Variants in MON2 observed in about 807,000 individuals in gnomAD.
MON2 encodes the protein protein MON2 homolog.
In MON2, 84 loss-of-function variants were observed where a neutral mutation model predicts 208.6. The ratio of observed to expected loss-of-function variants is 0.40; its 90% CI spans 0.34 to 0.48. The LOEUF (loss-of-function observed/expected upper bound fraction) is 0.48, where lower values mean the gene tolerates loss of function less well. MON2 is among the 20% of genes least tolerant of loss of function. The pLI is 0.59. For synonymous variants in MON2, 660 were observed against 694.0 expected (o/e 0.95, Z 0.77); for missense variants, 1,611 against 2,015.4 (o/e 0.80, Z 3.84).
At chr12:62,477,629 C>CT (rs35130445) in intron 1 of MON2, among the ~76,000 whole-genome samples, 131,938 of 150,428 alleles carry the variant, frequency 0.88, 58,204 homozygotes, top group African/African-American at 0.96. Flanking sequence ...GTTGCCCAGG[C>CT]GGTCACGAGC....
intron 22 of MON2, among the ~76,000 whole-genome samples, chr12:62,547,840 G>A (rs1209308173): frequency 6.6e-6 from 1 of 152,126 alleles, no homozygotes; most frequent in African/African-American, 2.4e-5. Flanking sequence ...TTGTAGCCCA[G>A]GAGCAATAAT....
chr12:62,497,094 G>A (rs905592935), intron 4 of MON2, among the ~76,000 whole-genome samples: 2 of 140,710 alleles, frequency 1.4e-5, no homozygotes, highest in African/African-American at 2.7e-5. Flanking sequence ...ACTCATAGGT[G>A]GGAATTGAAC....
At chr12:62,527,828 A>T (rs2072412573) in intron 11 of MON2, among the ~76,000 whole-genome samples, 2 of 151,510 alleles carry the variant, frequency 1.3e-5, no homozygotes, top group South Asian at 4.2e-4. Context: ...GGGAGTGAAG[A>T]TGTGTACTTG....
chr12:62,494,170 CTT>C, intron 3 of MON2, 128 bp downstream of exon 3: 1 of 851,416 alleles, frequency 1.2e-6, no homozygotes, highest in South Asian at 2.9e-5. Context: ...GAGAAAATGG[CTT>C]TATTTAAAAA....
intron 8 of MON2, among the ~76,000 whole-genome samples, chr12:62,519,216 C>T (rs1160105846): frequency 6.6e-6 from 1 of 152,184 alleles, no homozygotes; most frequent in Admixed American, 6.5e-5. Context: ...TGGGGACGCC[C>T]TGGCTGTCTG....
chr12:62,528,243 G>T (rs2072440988), intron 11 of MON2, among the ~76,000 whole-genome samples: 1 of 152,086 alleles, frequency 6.6e-6, no homozygotes, highest in Admixed American at 6.5e-5. Flanking sequence ...AATATAAAAT[G>T]ATTTCACTAT....
At chr12:62,537,079 TTAAATA>T (rs1227641290) in intron 14 of MON2, 66 bp from the exon 15 acceptor site, 3 of 906,028 alleles carry the variant, frequency 3.3e-6, no homozygotes, top group Non-Finnish European at 4.8e-6. Flanking sequence ...TAATCAAACT[TTAAATA>T]TAACATTACT....
intron 29 of MON2, among the ~76,000 whole-genome samples, 167 bp from the exon 30 acceptor site, chr12:62,571,225 G>A (rs1013706530): frequency 3.9e-5 from 6 of 152,118 alleles, no homozygotes; most frequent in Admixed American, 3.3e-4. Context: ...TGAGGACTAC[G>A]TCTGAGAATT....
chr12:62,579,574 A>T (rs79206159), intron 31 of MON2, among the ~76,000 whole-genome samples: 1 of 151,340 alleles, frequency 6.6e-6, no homozygotes, highest in African/African-American at 2.4e-5. Context: ...AAAAAAAAAA[A>T]AATTAGCTGG....
intron 19 of MON2, among the ~76,000 whole-genome samples, chr12:62,540,093 A>G (rs1480383000): frequency 6.6e-6 from 1 of 152,232 alleles, no homozygotes; most frequent in Non-Finnish European, 1.5e-5. Context: ...ACACAAAACT[A>G]TAATATTTTT....
Position 62,519,295 on chromosome 12 carries a change from C to A in MON2, c.985-5220C>A, listed in dbSNP as rs113565398. Among the ~76,000 whole-genome samples the A allele has an allele frequency of 6.6e-4, 101 of 152,180 alleles. 1 individual carries two copies. The highest frequency in any genetic ancestry group is 3.4e-3 in the Middle Eastern group (1 of 294). On this transcript the variant is annotated intron_variant, in intron 8 of 34. Transcript: ENST00000393630. Reference sequence around the variant, plus strand: ...GTGTCCCTACTAGTCCCTGAAATCGCCTCAGCTGAGTGATACTGGGGGTGG... The same window carrying A: ...GTGTCCCTACTAGTCCCTGAAATCGACTCAGCTGAGTGATACTGGGGGTGG...
chr12:62,501,237 G>A (rs1329016569), intron 6 of MON2, among the ~76,000 whole-genome samples: 1 of 152,100 alleles, frequency 6.6e-6, no homozygotes, highest in South Asian at 2.1e-4. Context: ...CACTTGTCAT[G>A]AATAAATAAT....
intron 1 of MON2, among the ~76,000 whole-genome samples, chr12:62,469,691 A>G (rs1228673412): frequency 6.6e-6 from 1 of 152,198 alleles, no homozygotes; most frequent in Non-Finnish European, 1.5e-5. Context: ...TGTTAAATTA[A>G]TAAGAGTGCC....
intron 24 of MON2, chr12:62,553,399 T>A (rs2073832162): frequency 2.5e-6 from 1 of 405,266 alleles, no homozygotes; most frequent in Non-Finnish European, 4.3e-6. Context: ...TATTATTATA[T>A]CTCTCGTGAT....
intron 30 of MON2, among the ~76,000 whole-genome samples, chr12:62,573,675 CTTGT>C (rs1287213806): frequency 4.7e-5 from 7 of 147,764 alleles, no homozygotes; most frequent in Non-Finnish European, 6.0e-5. Flanking sequence ...TTTTTTTTTG[CTTGT>C]TTTTGTTTTT....
intron 2 of MON2, chr12:62,485,015 A>T (rs1480856476): frequency 6.6e-6 from 1 of 151,002 alleles, no homozygotes; most frequent in Non-Finnish European, 1.5e-5. Context: ...CTTATTTGAT[A>T]GTAGAGCTAA....
At chr12:62,585,539 T>G (rs1243167570) in intron 33 of MON2, 38 bp downstream of exon 33, 2 of 1,436,898 alleles carry the variant, frequency 1.4e-6, no homozygotes, top group African/African-American at 2.9e-5. Context: ...AAATGTATTG[T>G]TGTACTAATT....
At chr12:62,505,309 C>A (rs1263898566) in intron 7 of MON2, among the ~76,000 whole-genome samples, 1 of 152,036 alleles carries the variant, frequency 6.6e-6, no homozygotes, top group Non-Finnish European at 1.5e-5. Flanking sequence ...AGGTTTGGGG[C>A]TGAAATTATA....
intron 1 of MON2, among the ~76,000 whole-genome samples, chr12:62,481,546 C>T (rs1217145599): frequency 6.7e-6 from 1 of 150,102 alleles, no homozygotes; most frequent in Non-Finnish European, 1.5e-5. Flanking sequence ...TTACTGATGG[C>T]TGTCTCCCAC....
Sources: gnomAD v4.1 joint callset for allele counts (sites outside exome capture counted in the v4.1 genomes callset) on GRCh38, gnomAD v4.1.1 for gene constraint, MANE v1.5 for transcripts, NCBI Gene and HGNC (gene_info 2026-07-23, HGNC 2026-07-21) for gene names.